Variants in DDX51 observed in about 807,000 individuals in gnomAD.
The protein encoded by DDX51 is ATP-dependent RNA helicase DDX51.
A neutral mutation model predicts 74.6 loss-of-function variants in DDX51; 67 were observed. The ratio of observed to expected loss-of-function variants is 0.90; its 90% CI spans 0.74 to 1.10. The LOEUF (loss-of-function observed/expected upper bound fraction) is 1.10, where lower values mean the gene tolerates loss of function less well. Among genes scored for constraint, DDX51 ranks in the 50% least tolerant of loss-of-function variants. The probability of loss-of-function intolerance (pLI) is 0.00; values close to 1 mark genes in which losing one functional copy is unlikely to be tolerated. For missense variants in DDX51, 1,056 were observed against 905.2 expected, an observed-to-expected ratio of 1.17 and a Z score of -2.14; for synonymous variants, 545 against 402.9, an observed-to-expected ratio of 1.35 and a Z score of -4.22.
At position 132,142,765 on chromosome 12, in the gene DDX51, C is replaced by T. The variant is rs765003461; in HGVS notation, c.633G>A (p.Lys211=). Residue 211 remains lysine (K), a synonymous_variant, in exon 3 of 15, where the codon AAG becomes AAA. Coordinates refer to ENST00000397333, the MANE Select transcript of DDX51 (RefSeq NM_175066.4). ...DIPDVHPDLQ[K]QLRAHGISSY... is the part of the protein sequence containing the mutation. ...ACGAGATGCCGTGTGCCCGCAGCTG[C>T]TTCTGCAGGTCAGGATGGACGTCAG... 6 of 1,613,048 alleles carry T rather than the reference C, an allele frequency of 3.7e-6. No homozygotes were observed. The highest frequency in any genetic ancestry group is 1.3e-5 in the African/African-American group (1 of 75,070).
In DDX51 at chr12:132,143,502, T is replaced by C. The variant is rs1448302963; in HGVS notation, c.519+193A>G. 4 of 731,644 alleles carry C rather than the reference T, an allele frequency of 5.5e-6. No individual in the cohort carries two copies. The African/African-American group carries it at 5.6e-5, about 10-fold the overall frequency. The allele number at this position is 731,644 out of a possible 1,614,324, so 45.3% of individuals were successfully genotyped here. On this transcript the variant is annotated intron_variant, in intron 2 of 14. Transcript: ENST00000397333. Reference sequence around the variant, plus strand: ...CGCGGCGGGAGGACAGGGGCAAGCCTAGCAGAGGAAACGGGAGCTCTGCAC... The same window carrying C: ...CGCGGCGGGAGGACAGGGGCAAGCCCAGCAGAGGAAACGGGAGCTCTGCAC...
At chr12:132,141,802 G>A (rs1422346435) in intron 6 of DDX51, 48 bp downstream of exon 6, 3 of 1,597,664 alleles carry the variant, frequency 1.9e-6, no homozygotes, top group African/African-American at 1.3e-5. Flanking sequence ...GCCACCTGCA[G>A]GGCTGAGCAG....
chr12:132,140,595 C>T, intron 10 of DDX51, 25 bp downstream of exon 10: 1 of 1,612,672 alleles, frequency 6.2e-7, no homozygotes, highest in Non-Finnish European at 8.5e-7. Context: ...CCACCTCTGC[C>T]ACCCCCGCCC....
In DDX51 at chr12:132,141,984, G is replaced by A. The variant is rs754939593; in HGVS notation, c.889-28C>T. The A allele has an allele frequency of 5.8e-5, 94 of 1,610,572 alleles. 3 individuals are homozygous for A. In the South Asian group the frequency reaches 9.2e-4, roughly 16 times the overall value. On this transcript the variant is annotated intron_variant, in intron 5 of 14. Transcript: ENST00000397333. ...GCAGGAGAAGTCTGTCACTGGCCTG[G>A]AGGTAGCTGGTGTCCACCTACTGCA... is the stretch of plus-strand genomic sequence containing the variant.
At chr12:132,139,347 C>A (rs768406195) in intron 14 of DDX51, 49 bp from the exon 15 acceptor site, 4 of 1,596,144 alleles carry the variant, frequency 2.5e-6, no homozygotes, top group Non-Finnish European at 3.4e-6. Flanking sequence ...GTCCCCTCAT[C>A]GTCTGTGGGG....
rs537617465 is a variant in DDX51, at chr12:132,139,670, C to T, written c.1939G>A (p.Glu647Lys). 31 of 1,613,146 alleles carry T rather than the reference C, an allele frequency of 1.9e-5. No homozygotes were observed. Among genetic ancestry groups the T allele is most frequent in the African/African-American group, 5.3e-5 (4 of 75,072 alleles). ...KLLQPLVPRY[E>K]EALSQLEESV... The stretch of plus-strand genomic sequence containing the variant: ...TCCTCCAGCTGGGACAGGGCCTCCT[C>T]GTACCGAGGAACCAGCGGCTGCAGC... Residue 647 changes from glutamate (E) to lysine (K), a missense_variant, in exon 14 of 15, where the codon GAG (glutamate) becomes AAG (lysine). Transcript: ENST00000397333.
Position 132,142,713 on chromosome 12 carries a change from C to A in DDX51, c.670+15G>T. On this transcript the variant is annotated intron_variant, in intron 3 of 14. Transcript: ENST00000397333. ...GGGAGGTGTTCCCTCAGCTGCCTGC[C>A]CGGGGCTGGGGCACCTGGAAAGTAG... is the stretch of plus-strand genomic sequence containing the variant. 1.2e-6 allele frequency: 2 copies of A among 1,611,886 alleles called. No homozygotes were observed. The highest frequency in any genetic ancestry group is 2.2e-5 in the South Asian group (2 of 91,068).
rs1266826782 is a variant in DDX51, at chr12:132,141,266, G to A, written c.1250+9C>T. ...GGGGAGGCCAGCACCTGGGCGTGCT[G>A]CTGGATACCTGGCGGCTGTCACAGC... On this transcript the variant is annotated intron_variant, in intron 8 of 14. Transcript: ENST00000397333. 6.3e-7 allele frequency: 1 copy of A among 1,586,088 alleles called. No individual in the cohort carries two copies. The highest frequency in any genetic ancestry group is 8.5e-7 in the Non-Finnish European group (1 of 1,171,844).
rs1897343717 is a variant in DDX51 at position 132,138,794 on chromosome 12, T to C, written c.*478A>G. 1 of 155,320 alleles carries C rather than the reference T, an allele frequency of 6.4e-6. No individual in the cohort carries two copies. The highest frequency in any genetic ancestry group is 2.4e-5 in the African/African-American group (1 of 41,346). The allele number at this position is 155,320 out of a possible 1,614,324, so 9.6% of individuals were successfully genotyped here. A position where few individuals can be genotyped will look rare whatever the true frequency, so the allele number is the denominator to read the frequency against. On this transcript the variant is annotated 3_prime_UTR_variant, in exon 15 of 15. Transcript: ENST00000397333. ...CCACCACGCCTGGCTAATTTTGTAT[T>C]TTTAGTAGAGACAGGGTTTCTCCAT... is the stretch of plus-strand genomic sequence containing the variant.
In DDX51 at chr12:132,141,460, C is replaced by T. The variant is rs370965244; in HGVS notation, c.1104+38G>A. On this transcript the variant is annotated intron_variant, in intron 7 of 14. Coordinates refer to ENST00000397333, the MANE Select transcript of DDX51 (RefSeq NM_175066.4). ...GAGCCCGGGACTGGGTGGCGCGGCC[C>T]TGAGCTCAAAGCCCAGGCCCCTGGG... The T allele has an allele frequency of 4.4e-6, 7 of 1,582,198 alleles. No homozygotes were observed. In the African/African-American group the frequency reaches 9.4e-5, roughly 21 times the overall value.
rs1246746603 is a variant in DDX51, at chr12:132,143,920, G to A, written c.305-11C>T. 2 of 1,512,956 alleles carry A rather than the reference G, an allele frequency of 1.3e-6. No individual in the cohort carries two copies. Among genetic ancestry groups the A allele is most frequent in the African/African-American group, 1.4e-5 (1 of 69,304 alleles). The allele number at this position is 1,512,956 out of a possible 1,614,324, so 93.7% of individuals were successfully genotyped here. A position where few individuals can be genotyped will look rare whatever the true frequency, so the allele number is the denominator to read the frequency against. On this transcript the variant is annotated splice_polypyrimidine_tract_variant and intron_variant, in intron 1 of 14. Transcript: ENST00000397333. Reference sequence around the variant, plus strand: ...CCTCCTCGTTGCTTTCTGCGAGGCAGACACCCACCCGGCAGCGCGTCAGCA... The same window carrying A: ...CCTCCTCGTTGCTTTCTGCGAGGCAAACACCCACCCGGCAGCGCGTCAGCA...
Position 132,140,927 on chromosome 12 carries a change from C to A in DDX51, c.1344G>T (p.Gln448His), listed in dbSNP as rs770563658. The change falls in exon 9 of 15, where the codon CAG becomes CAT. Residue 448 changes from glutamine (Q) to histidine (H), a missense_variant. Physicochemically the swap from Gln to His is conservative, Grantham distance 24. Coordinates refer to ENST00000397333, the MANE Select transcript of DDX51 (RefSeq NM_175066.4). ...CTAGCCCTGTGGAGAAAAGCCGGGG[C>A]TGGTGGAGGCCCAGCTGCTGCAGCT... ...PEKLQQLGLHQPRLFSTGLAH... is the reference protein window; with the variant it reads ...PEKLQQLGLHHPRLFSTGLAH... The A allele has an allele frequency of 1.9e-6, 3 of 1,613,378 alleles. No individual in the cohort carries two copies. Among genetic ancestry groups the A allele is most frequent in the Non-Finnish European group, 2.5e-6 (3 of 1,179,958 alleles).
In DDX51 at chr12:132,137,566, A is replaced by G. The variant is rs1186679800; in HGVS notation, c.*1706T>C. On this transcript the variant is annotated 3_prime_UTR_variant, in exon 15 of 15. Transcript: ENST00000397333. ...GTGGTTGCATCTCTAATCAGCTGCC[A>G]GTCCCCATCCCAGACATTCTTTGCA... 2 of 152,238 alleles carry G rather than the reference A, an allele frequency of 1.3e-5. No individual in the cohort carries two copies. Among genetic ancestry groups the G allele is most frequent in the Non-Finnish European group, 2.9e-5 (2 of 68,058 alleles). The allele number at this position is 152,238 out of a possible 1,614,324, so 9.4% of individuals were successfully genotyped here.
chr12:132,142,249 T>C (rs368055794), intron 4 of DDX51, 28 bp downstream of exon 4: 4 of 1,610,574 alleles, frequency 2.5e-6, no homozygotes, highest in Non-Finnish European at 3.4e-6. Context: ...GCACACCCGC[T>C]GTAGAGAAAG....
intron 10 of DDX51, 36 bp from the exon 11 acceptor site, chr12:132,140,575 G>A (rs1177771247): frequency 1.2e-6 from 2 of 1,612,786 alleles, no homozygotes; most frequent in South Asian, 1.1e-5. Flanking sequence ...AGTGATGCTG[G>A]GACCAGAGGC....
At chr12:132,140,241 C>T (rs749713563) in intron 11 of DDX51, 42 bp from the exon 12 acceptor site, 11 of 1,596,398 alleles carry the variant, frequency 6.9e-6, no homozygotes, top group Middle Eastern at 1.7e-4. Context: ...GTGCCAGGAG[C>T]AGGGGCCGTG....
At position 132,140,309 on chromosome 12, in the gene DDX51, G is replaced by A; in HGVS notation, c.1674-110C>T. On this transcript the variant is annotated intron_variant, in intron 11 of 14. Transcript: ENST00000397333. ...CTTTCTGGGAACTGGCTGCCATGGGGCTGGGGCACAGGAAGCCAATTTGCA... is the reference window on the plus strand; with the variant it reads ...CTTTCTGGGAACTGGCTGCCATGGGACTGGGGCACAGGAAGCCAATTTGCA... 1.9e-6 allele frequency: 3 copies of A among 1,557,620 alleles called. No individual in the cohort carries two copies. The South Asian group carries it at 3.5e-5, about 18-fold the overall frequency.
At chr12:132,139,973 G>C (rs201693192) in intron 12 of DDX51, 49 bp from the exon 13 acceptor site, 151 of 1,611,950 alleles carry the variant, frequency 9.4e-5, no homozygotes, top group Admixed American at 1.2e-4. Flanking sequence ...GCCTTCAAGA[G>C]TCTGACGGAA....
rs2136673940 is a variant in DDX51, at chr12:132,139,788, T to G, written c.1840-19A>C. On this transcript the variant is annotated intron_variant, in intron 13 of 14. Coordinates refer to ENST00000397333, the MANE Select transcript of DDX51 (RefSeq NM_175066.4). ...TCCTCTCCTGGAGAGAAGCTCATGG[T>G]GGAAGGGGGTTCTTGGGCCAGCCCC... 1 of 1,613,016 alleles carries G rather than the reference T, an allele frequency of 6.2e-7. No homozygotes were observed. Among genetic ancestry groups the G allele is most frequent in the Non-Finnish European group, 8.5e-7 (1 of 1,179,882 alleles).
Sources: allele counts gnomAD v4.1 joint callset, GRCh38; gene constraint gnomAD v4.1.1; transcripts MANE v1.5; gene names NCBI Gene and HGNC (gene_info 2026-07-23, HGNC 2026-07-21).